The following TMEM8B variants were observed in gnomAD, a reference collection of about 807,000 sequenced individuals.
TMEM8B encodes the protein nasopharyngeal carcinoma expressed 6.
Under a neutral mutation model 49.3 loss-of-function variants are expected in TMEM8B, and 29 were observed. The observed-to-expected ratio is 0.59, with a 90% CI of 0.44 to 0.80. The LOEUF (loss-of-function observed/expected upper bound fraction) is 0.80. TMEM8B is among the 30% of genes least tolerant of loss of function. The pLI is 0.00. For missense variants in TMEM8B, 575 were observed against 658.5 expected (o/e 0.87, Z 1.39); for synonymous variants, 264 against 272.8 (o/e 0.97, Z 0.32).
rs900291253 is a variant in TMEM8B, at chr9:35,842,379, C to T, written c.1310-13C>T. The T allele has an allele frequency of 3.3e-6, 5 of 1,499,698 alleles. No homozygotes were observed. The African/African-American group carries it at 7.0e-5, about 21-fold the overall frequency. The allele number at this position is 1,499,698 out of a possible 1,614,324, so 92.9% of individuals were successfully genotyped here. A position where few individuals can be genotyped will look rare whatever the true frequency, so the allele number is the denominator to read the frequency against. On this transcript the variant is annotated splice_polypyrimidine_tract_variant and intron_variant, in intron 5 of 12. Coordinates refer to ENST00000643932, the MANE Select transcript of TMEM8B (RefSeq NM_001042590.4). The surrounding 1 kb of genome is among the most constrained non-coding windows in gnomAD (Gnocchi z 5.6). ...GGCTGCAGGCCCAAGCTCTGGTTTC[C>T]TCTGCCCCACAGAGTGCCCACAGCC... is the stretch of plus-strand genomic sequence containing the variant.
chr9:35,864,175 A>G lies in TMEM8B; in HGVS notation c.*10335A>G, dbSNP rs1832695386. On this transcript the variant is annotated 3_prime_UTR_variant, in exon 13 of 13. Coordinates refer to ENST00000643932, the MANE Select transcript of TMEM8B (RefSeq NM_001042590.4). ...TCTGAGAAGTGGAGCCAATTAAGCGATCTCCGATATGCTGTAATCTCTGAA... is the reference window on the plus strand; with the variant it reads ...TCTGAGAAGTGGAGCCAATTAAGCGGTCTCCGATATGCTGTAATCTCTGAA... The G allele has an allele frequency of 6.6e-6, 1 of 152,102 alleles. No homozygotes were observed. Among genetic ancestry groups the G allele is most frequent in the Non-Finnish European group, 1.5e-5 (1 of 68,022 alleles). The allele number at this position is 152,102 out of a possible 1,614,324, so 9.4% of individuals were successfully genotyped here. A position where few individuals can be genotyped will look rare whatever the true frequency, so the allele number is the denominator to read the frequency against.
intron 10 of TMEM8B, among the ~76,000 whole-genome samples, chr9:35,849,169 T>C (rs1831913368): frequency 6.6e-6 from 1 of 152,190 alleles, no homozygotes; most frequent in Admixed American, 6.5e-5. Flanking sequence ...AGTGTCCATT[T>C]AAGGACCCAT....
intron 6 of TMEM8B, 103 bp from the exon 7 acceptor site, chr9:35,845,872 G>A (rs1208006877): frequency 1.9e-6 from 3 of 1,598,116 alleles, no homozygotes; most frequent in South Asian, 1.1e-5. Flanking sequence ...GGAGGAATGG[G>A]CTGTCCTTGG....
At position 35,834,443 on chromosome 9, in the gene TMEM8B, C is replaced by T. The variant is rs1024242424; in HGVS notation, c.509-18C>T. On this transcript the variant is annotated intron_variant, in intron 1 of 12. Coordinates refer to ENST00000643932, the MANE Select transcript of TMEM8B (RefSeq NM_001042590.4). ...CCTCTGTCCTGCCCTGCTCCTTTCT[C>T]TCTCTCCTGCTTCCCAGGAGGCCTT... The T allele has an allele frequency of 4.8e-6, 2 of 414,614 alleles. No homozygotes were observed. The highest frequency in any genetic ancestry group is 4.1e-5 in the African/African-American group (2 of 48,600). The allele number at this position is 414,614 out of a possible 1,614,324, so 25.7% of individuals were successfully genotyped here.
intron 3 of TMEM8B, among the ~76,000 whole-genome samples, chr9:35,837,706 C>G (rs186907357): frequency 2.8e-4 from 42 of 152,302 alleles, no homozygotes; most frequent in Non-Finnish European, 2.9e-5. Context: ...CTACGTATTC[C>G]TAGCCTCCAG....
chr9:35,841,021 G>A lies in TMEM8B; in HGVS notation c.907-113G>A, dbSNP rs1358337907. The stretch of plus-strand genomic sequence containing the variant: ...AGAGACCTGGGTTAGAGGCCTGGGA[G>A]TGGTGGCCGGGGCGGGGGTTTCTCC... On this transcript the variant is annotated intron_variant, in intron 3 of 12. Transcript: ENST00000643932. The surrounding 1 kb of genome is among the most constrained non-coding windows in gnomAD (Gnocchi z 5.9). 2.4e-6 allele frequency: 1 copy of A among 411,358 alleles called. No individual in the cohort carries two copies. Among genetic ancestry groups the A allele is most frequent in the Non-Finnish European group, 4.4e-6 (1 of 225,968 alleles). The allele number at this position is 411,358 out of a possible 1,614,324, so 25.5% of individuals were successfully genotyped here. A position where few individuals can be genotyped will look rare whatever the true frequency, so the allele number is the denominator to read the frequency against.
In TMEM8B at chr9:35,846,483, G is replaced by A. The variant is rs2132344904; in HGVS notation, c.1868G>A (p.Arg623His). ...CGVGPRFVRC[R>H]NATAEVRMRT... ...TTTGTGCGCAGGTTCGTGCGGTGCCGCAACGCGACGGCCGAGGTGCGGATG... is the reference window on the plus strand; with the variant it reads ...TTTGTGCGCAGGTTCGTGCGGTGCCACAACGCGACGGCCGAGGTGCGGATG... Residue 623 changes from arginine to histidine, a missense_variant, in exon 9 of 13, where the codon CGC (arginine) becomes CAC (histidine). Coordinates refer to ENST00000643932, the MANE Select transcript of TMEM8B (RefSeq NM_001042590.4). 2 of 1,598,324 alleles carry A rather than the reference G, an allele frequency of 1.3e-6. No individual in the cohort carries two copies. Among genetic ancestry groups the A allele is most frequent in the Non-Finnish European group, 8.5e-7 (1 of 1,172,476 alleles).
chr9:35,842,527 C>T lies in TMEM8B; in HGVS notation c.1445C>T (p.Ser482Phe). Reference protein sequence around the residue: ...GTPAEGPGTTSPPEHCWPVRP... With the variant: ...GTPAEGPGTTFPPEHCWPVRP... ...CCTGCGGAGGGGCCTGGGACCACGTCCCCACCCGAGCACTGCTGGCCAGTG... is the reference window on the plus strand; with the variant it reads ...CCTGCGGAGGGGCCTGGGACCACGTTCCCACCCGAGCACTGCTGGCCAGTG... Residue 482 changes from serine to phenylalanine, a missense_variant, in exon 6 of 13, where the codon TCC (serine) becomes TTC (phenylalanine). By Grantham distance (155) the Ser-to-Phe change is radical. Coordinates refer to ENST00000643932, the MANE Select transcript of TMEM8B (RefSeq NM_001042590.4). This position sits in a 1 kb window ranked among gnomAD's most constrained non-coding sequence, Gnocchi z 5.6. The T allele has an allele frequency of 6.2e-7, 1 of 1,613,918 alleles. No individual in the cohort carries two copies. The highest frequency in any genetic ancestry group is 8.5e-7 in the Non-Finnish European group (1 of 1,179,892).
In TMEM8B at chr9:35,846,995, G is replaced by A. The variant is rs552626381; in HGVS notation, c.2175G>A (p.Thr725=). The change falls in exon 10 of 13, where the codon ACG becomes ACA. Residue 725 remains threonine, a splice_region_variant and synonymous_variant. Coordinates refer to ENST00000643932, the MANE Select transcript of TMEM8B (RefSeq NM_001042590.4). ...ACACCTTCACCATGTTCTTCTCCAC[G>A]GTATGCGGTGGTGTCTGCATCTTAT... ...AVYTFTMFFS[T]FYHACDQPGI... The A allele has an allele frequency of 3.7e-6, 6 of 1,614,164 alleles. No homozygotes were observed. Among genetic ancestry groups the A allele is most frequent in the Non-Finnish European group, 5.1e-6 (6 of 1,180,028 alleles).
At chr9:35,845,153 C>CT (rs1343347575) in intron 6 of TMEM8B, among the ~76,000 whole-genome samples, 2 of 152,208 alleles carry the variant, frequency 1.3e-5, no homozygotes, top group East Asian at 3.8e-4. Flanking sequence ...AGAACTTCCC[C>CT]TTTGGATGCT....
In TMEM8B at chr9:35,846,108, G is replaced by C. The variant is rs765937970; in HGVS notation, c.1729+40G>C. 9.9e-6 allele frequency: 16 copies of C among 1,611,954 alleles called. No individual in the cohort carries two copies. The East Asian group carries it at 3.3e-4, about 34-fold the overall frequency. On this transcript the variant is annotated intron_variant, in intron 7 of 12. Coordinates refer to ENST00000643932, the MANE Select transcript of TMEM8B (RefSeq NM_001042590.4). ...GGGGGAGGAGAGGAAGCTGCAGTGT[G>C]GGGGTGGTGGTGGCGGGCAGAGGTG...
intron 6 of TMEM8B, 73 bp from the exon 7 acceptor site, chr9:35,845,902 G>A: frequency 6.2e-7 from 1 of 1,608,366 alleles, no homozygotes; most frequent in Non-Finnish European, 8.5e-7. Context: ...GTTAACAGGG[G>A]TGGGAGTCTG....
intron 6 of TMEM8B, chr9:35,845,277 C>G (rs1213085254): frequency 2.0e-6 from 1 of 512,250 alleles, no homozygotes; most frequent in East Asian, 1.5e-4. Context: ...ATATGGCCTA[C>G]CTTAGGGACA....
Position 35,846,267 on chromosome 9 carries a change from C to T in TMEM8B, c.1739C>T (p.Ala580Val). ...TTCCTTCTCCCTTCAGAGTCCCTGG[C>T]CGGCTTCCTCCTCTCTGTCAGTGCC... ...AAVTCSKESL[A>V]GFLLSVSATT... The change falls in exon 8 of 13, where the codon GCC (alanine) becomes GTC (valine). Residue 580 changes from alanine (A) to valine (V), a missense_variant. By Grantham distance (64) the Ala-to-Val change is moderately conservative. Coordinates refer to ENST00000643932, the MANE Select transcript of TMEM8B (RefSeq NM_001042590.4). The T allele has an allele frequency of 1.2e-6, 2 of 1,614,216 alleles. No homozygotes were observed. The highest frequency in any genetic ancestry group is 1.7e-6 in the Non-Finnish European group (2 of 1,180,038).
rs1311072315 is a variant in TMEM8B at position 35,855,853 on chromosome 9, T to C, written c.*2013T>C. ...GCAGAGAATGGTGTGGCCAAGTGAG[T>C]AGTGAGAAGCAGTGAGGAGGTGTGA... On this transcript the variant is annotated 3_prime_UTR_variant, in exon 13 of 13. Transcript: ENST00000643932. 1.3e-5 allele frequency: 2 copies of C among 152,038 alleles called. No homozygotes were observed. Among genetic ancestry groups the C allele is most frequent in the Non-Finnish European group, 2.9e-5 (2 of 68,022 alleles). 9.4% of individuals were successfully genotyped at this position (152,038 alleles called of 1,614,324 possible). A position where few individuals can be genotyped will look rare whatever the true frequency, so the allele number is the denominator to read the frequency against.
chr9:35,846,679 C>A, intron 9 of TMEM8B, 68 bp downstream of exon 9: 1 of 1,552,374 alleles, frequency 6.4e-7, no homozygotes, highest in Admixed American at 1.8e-5. Context: ...TGTGGGCAGG[C>A]GGCGGGAGTA....
Position 35,855,295 on chromosome 9 carries a change from C to G in TMEM8B, c.*1455C>G, listed in dbSNP as rs750754625. 5.3e-5 allele frequency: 8 copies of G among 151,942 alleles called. No homozygotes were observed. The highest frequency in any genetic ancestry group is 7.4e-5 in the Non-Finnish European group (5 of 67,972). 9.4% of individuals were successfully genotyped at this position (151,942 alleles called of 1,614,324 possible). ...GCTCAGGGACTCTTCCTTTTGGGAC[C>G]CTCTGTGTCAGTATTCTCACTACAT... On this transcript the variant is annotated 3_prime_UTR_variant, in exon 13 of 13. Coordinates refer to ENST00000643932, the MANE Select transcript of TMEM8B (RefSeq NM_001042590.4).
Position 35,835,007 on chromosome 9 carries a change from C to T in TMEM8B, c.699-4C>T, listed in dbSNP as rs1588128425. On this transcript the variant is annotated splice_polypyrimidine_tract_variant and splice_region_variant and intron_variant, in intron 2 of 12. Coordinates refer to ENST00000643932, the MANE Select transcript of TMEM8B (RefSeq NM_001042590.4). ...TTCCTCCTCTCCTAATTCTGGTCCCCCAGGTATTTCCGGTCCGGGGCACCC... is the reference window on the plus strand; with the variant it reads ...TTCCTCCTCTCCTAATTCTGGTCCCTCAGGTATTTCCGGTCCGGGGCACCC... 3.4e-5 allele frequency: 14 copies of T among 415,648 alleles called. No individual in the cohort carries two copies. In the East Asian group the frequency reaches 5.0e-4, roughly 15 times the overall value. 25.7% of individuals were successfully genotyped at this position (415,648 alleles called of 1,614,324 possible). A position where few individuals can be genotyped will look rare whatever the true frequency, so the allele number is the denominator to read the frequency against.
rs1831042131 is a variant in TMEM8B at position 35,841,925 on chromosome 9, C to T, written c.1309+131C>T. On this transcript the variant is annotated intron_variant, in intron 5 of 12. Coordinates refer to ENST00000643932, the MANE Select transcript of TMEM8B (RefSeq NM_001042590.4). This position sits in a 1 kb window ranked among gnomAD's most constrained non-coding sequence, Gnocchi z 5.9. ...TCCCCATCCCAAGCTCCTTCATGCT[C>T]CCTGAAGCCATCACACTTGGAGCTC... 2.4e-6 allele frequency: 1 copy of T among 409,226 alleles called. No individual in the cohort carries two copies. Among genetic ancestry groups the T allele is most frequent in the African/African-American group, 2.1e-5 (1 of 48,676 alleles). The allele number at this position is 409,226 out of a possible 1,614,324, so 25.3% of individuals were successfully genotyped here. A position where few individuals can be genotyped will look rare whatever the true frequency, so the allele number is the denominator to read the frequency against.
Sources: allele counts gnomAD v4.1 joint callset (sites outside exome capture counted in the v4.1 genomes callset), GRCh38; gene constraint gnomAD v4.1.1; non-coding constraint Gnocchi (gnomAD v3.1); transcripts MANE v1.5; gene names NCBI Gene and HGNC (gene_info 2026-07-23, HGNC 2026-07-21).